The following GADL1 variants were observed in gnomAD, a reference collection of about 807,000 sequenced individuals.
GADL1 encodes the protein GAD like acidic amino acid decarboxylase 1, also known as acidic amino acid decarboxylase GADL1.
Under a neutral mutation model 69.5 loss-of-function variants are expected in GADL1, and 71 were observed. That is an observed-to-expected ratio of 1.02 (90% CI 0.84 to 1.25). The LOEUF is 1.25. Among genes scored for constraint, GADL1 ranks in the 50% most tolerant of loss-of-function variants. GADL1 has a pLI of 0.00. For missense variants in GADL1, 737 were observed against 631.8 expected (o/e 1.17, Z -1.79); for synonymous variants, 254 against 214.4 (o/e 1.18, Z -1.62).
intron 11 of GADL1, among the ~76,000 whole-genome samples, chr3:30,808,021 G>C (rs1270402210): frequency 6.6e-6 from 1 of 152,028 alleles, no homozygotes; most frequent in Non-Finnish European, 1.5e-5. Context: ...AACAGAGAGA[G>C]ACCCCTTCGG....
At chr3:30,855,777 C>T (rs1013543064) in intron 3 of GADL1, among the ~76,000 whole-genome samples, 1 of 151,812 alleles carries the variant, frequency 6.6e-6, no homozygotes, top group Non-Finnish European at 1.5e-5. Flanking sequence ...ATTTGGGAAT[C>T]ATTTAATTTG....
intron 14 of GADL1, among the ~76,000 whole-genome samples, chr3:30,756,036 ACTGTGCAGGAGACCTAGGG>A (rs1353030899): frequency 3.3e-5 from 5 of 152,060 alleles, no homozygotes; most frequent in African/African-American, 9.7e-5. Context: ...AAACCTTGGG[ACTGTGCAGGAGACCTAGGG>A]CTGTGCAGGA....
intron 14 of GADL1, among the ~76,000 whole-genome samples, chr3:30,752,277 C>T (rs896186030): frequency 6.6e-6 from 1 of 152,112 alleles, no homozygotes; most frequent in Non-Finnish European, 1.5e-5. Flanking sequence ...CACAGGCTGG[C>T]ACGAAACACA....
chr3:30,749,995 T>C (rs1695777691), intron 14 of GADL1, among the ~76,000 whole-genome samples: 2 of 152,258 alleles, frequency 1.3e-5, no homozygotes, highest in Non-Finnish European at 1.5e-5. Flanking sequence ...TAGACAAAGG[T>C]CAGATTTTGC....
chr3:30,845,912 C>T (rs945700712), intron 6 of GADL1, among the ~76,000 whole-genome samples: 2 of 152,162 alleles, frequency 1.3e-5, no homozygotes, highest in East Asian at 1.9e-4. Flanking sequence ...AAGCACAATG[C>T]TCTCCCCCTG....
intron 1 of GADL1, among the ~76,000 whole-genome samples, chr3:30,862,271 A>G (rs904803434): frequency 5.9e-5 from 9 of 151,992 alleles, no homozygotes; most frequent in African/African-American, 2.2e-4. Flanking sequence ...CCGTCACTCT[A>G]CCACAGGAGA....
chr3:30,789,529 C>T (rs1696869401), intron 12 of GADL1, among the ~76,000 whole-genome samples: 1 of 152,194 alleles, frequency 6.6e-6, no homozygotes, highest in African/African-American at 2.4e-5. Flanking sequence ...ATAGATTCAG[C>T]CTGTCTTTGA....
rs115988969 is a variant in GADL1 at position 30,806,329 on chromosome 3, C to T, written c.1051-5241G>A. Among the ~76,000 whole-genome samples, 720 of 152,196 alleles carry T rather than the reference C, an allele frequency of 4.7e-3. 4 individuals carry two copies. Among genetic ancestry groups the T allele is most frequent in the Non-Finnish European group, 7.0e-3 (474 of 68,006 alleles). The stretch of plus-strand genomic sequence containing the variant: ...ACAAGCACTATCATGCCAGGAGCCT[C>T]GGTATACAAGCCCATGAAGGTGCTA... On this transcript the variant is annotated intron_variant, in intron 11 of 14. Coordinates refer to ENST00000282538, the MANE Select transcript of GADL1 (RefSeq NM_207359.3).
intron 11 of GADL1, among the ~76,000 whole-genome samples, chr3:30,824,345 A>C (rs1273256134): frequency 6.6e-6 from 1 of 150,724 alleles, no homozygotes; most frequent in Non-Finnish European, 1.5e-5. Context: ...TGACAATCTT[A>C]ACACCAGCAA....
intron 14 of GADL1, among the ~76,000 whole-genome samples, chr3:30,730,249 T>C (rs1695435725): frequency 6.6e-6 from 1 of 152,174 alleles, no homozygotes; most frequent in Admixed American, 6.5e-5. Context: ...AATCCATGTA[T>C]GCAAGTAGTA....
chr3:30,755,223 A>G (rs1245007239), intron 14 of GADL1, among the ~76,000 whole-genome samples: 1 of 152,190 alleles, frequency 6.6e-6, no homozygotes, highest in Non-Finnish European at 1.5e-5. Flanking sequence ...TCTTGCATGC[A>G]ATAGGAGATA....
intron 14 of GADL1, among the ~76,000 whole-genome samples, chr3:30,762,443 AAGTC>A (rs755885596): frequency 3.3e-5 from 5 of 152,152 alleles, no homozygotes; most frequent in African/African-American, 1.2e-4. Context: ...AACAACTTCA[AAGTC>A]AGATTAGAAA....
At chr3:30,834,084 G>A in intron 10 of GADL1, 133 bp downstream of exon 10, 1 of 961,460 alleles carries the variant, frequency 1.0e-6, no homozygotes, top group Non-Finnish European at 1.6e-6. Flanking sequence ...TAAGGAATTT[G>A]GAGGGATTTT....
Position 30,800,919 on chromosome 3 carries a change from T to C in GADL1, c.1220A>G (p.Glu407Gly). 1.2e-6 allele frequency: 2 copies of C among 1,612,680 alleles called. No homozygotes were observed. Among genetic ancestry groups the C allele is most frequent in the Non-Finnish European group, 1.7e-6 (2 of 1,179,790 alleles). ...TAAAGCAAGAGCACGATTAACTCTT[T>C]CTTCAAGGCCTAATGTACCCAGGGC... is the stretch of plus-strand genomic sequence containing the variant. ...WKALGTLGLE[E>G]RVNRALALSR... The change falls in exon 12 of 15, where the codon GAA becomes GGA. Residue 407 changes from glutamate to glycine, a missense_variant. By Grantham distance (98) the Glu-to-Gly change is moderately conservative. Transcript: ENST00000282538.
chr3:30,807,497 C>T (rs1393750), intron 11 of GADL1, among the ~76,000 whole-genome samples: 53,796 of 151,984 alleles, frequency 0.35, 9,684 homozygotes, highest in Middle Eastern at 0.43. Flanking sequence ...ACTTGATGTC[C>T]TTGGTAGATG....
intron 6 of GADL1, among the ~76,000 whole-genome samples, chr3:30,845,914 C>G (rs188282468): frequency 1.3e-5 from 2 of 152,248 alleles, no homozygotes; most frequent in Admixed American, 1.3e-4. Context: ...GCACAATGCT[C>G]TCCCCCTGAG....
intron 14 of GADL1, among the ~76,000 whole-genome samples, chr3:30,743,129 T>A (rs138349023): frequency 6.8e-4 from 103 of 152,224 alleles, no homozygotes; most frequent in Non-Finnish European, 1.2e-3. Flanking sequence ...AATCCTCTCA[T>A]CTTTTAACAC....
At chr3:30,862,482 C>A (rs1018071491) in intron 1 of GADL1, among the ~76,000 whole-genome samples, 6 of 152,110 alleles carry the variant, frequency 3.9e-5, no homozygotes, top group African/African-American at 4.8e-5. Flanking sequence ...AGGTAGCAAG[C>A]TTTTAGCTTC....
At chr3:30,762,803 A>AT (rs1696170756) in intron 14 of GADL1, among the ~76,000 whole-genome samples, 1 of 151,830 alleles carries the variant, frequency 6.6e-6, no homozygotes, top group South Asian at 2.1e-4. Flanking sequence ...ATTGTTTTTG[A>AT]TTTTTAGATC....
Sources: allele counts gnomAD v4.1 joint callset (sites outside exome capture counted in the v4.1 genomes callset), GRCh38; gene constraint gnomAD v4.1.1; transcripts MANE v1.5; gene names NCBI Gene and HGNC (gene_info 2026-07-23, HGNC 2026-07-21).